ZHX2: variants seen among roughly 807,000 people sequenced by gnomAD.
ZHX2 encodes zinc fingers and homeoboxes 2.
In ZHX2, 6 loss-of-function variants were observed where a neutral mutation model predicts 21.9. That is an observed-to-expected ratio of 0.27 (90% CI 0.15 to 0.54). The LOEUF (loss-of-function observed/expected upper bound fraction) is 0.54. Among genes scored for constraint, ZHX2 ranks in the 20% least tolerant of loss-of-function variants. ZHX2 has a pLI of 0.95. For synonymous variants in ZHX2, 434 were observed against 437.1 expected (o/e 0.99, Z 0.09); for missense variants, 908 against 1,090.7 (o/e 0.83, Z 2.36).
chr8:122,827,653 C>A (rs1262529205), intron 1 of ZHX2, among the ~76,000 whole-genome samples: 1 of 152,064 alleles, frequency 6.6e-6, no homozygotes, highest in East Asian at 1.9e-4. Context: ...GAATCAGAAT[C>A]TTTAGGGGGT....
chr8:122,953,072 C>A lies in ZHX2; in HGVS notation c.1562C>A (p.Thr521Lys), dbSNP rs768038649. The A allele has an allele frequency of 2.5e-6, 4 of 1,614,018 alleles. No individual in the cohort carries two copies. In the South Asian group the frequency reaches 4.4e-5, roughly 18 times the overall value. ...ATCGCGGCCTCCCGACACGGTCGCA[C>A]GTATCATGCGTACCCAGACTTTGCC... ...LAIAASRHGR[T>K]YHAYPDFAPQ... The change falls in exon 3 of 4, where the codon ACG (threonine) becomes AAG (lysine). Residue 521 changes from threonine (T) to lysine (K), a missense_variant. Thr to Lys is a moderately conservative substitution (Grantham distance 78). Coordinates refer to ENST00000314393, the MANE Select transcript of ZHX2 (RefSeq NM_014943.5). The surrounding 1 kb of genome is among the most constrained non-coding windows in gnomAD (Gnocchi z 4.6).
intron 1 of ZHX2, among the ~76,000 whole-genome samples, chr8:122,850,182 A>G (rs1818853231): frequency 6.6e-6 from 1 of 151,918 alleles, no homozygotes; most frequent in Non-Finnish European, 1.5e-5. Flanking sequence ...TAGATCTCCA[A>G]CCCAACCACA....
chr8:122,800,907 C>T (rs992865763), intron 1 of ZHX2, among the ~76,000 whole-genome samples: 21 of 152,254 alleles, frequency 1.4e-4, no homozygotes, highest in African/African-American at 4.8e-4. Context: ...TAGACAGGTG[C>T]GCGTGCACAA....
intron 3 of ZHX2, among the ~76,000 whole-genome samples, chr8:122,968,279 T>A (rs1813632819): frequency 6.6e-6 from 1 of 152,068 alleles, no homozygotes; most frequent in African/African-American, 2.4e-5. Flanking sequence ...GCTTGAGGAA[T>A]ATATACCTGG....
At chr8:122,826,631 C>T (rs535635367) in intron 1 of ZHX2, among the ~76,000 whole-genome samples, 16 of 152,228 alleles carry the variant, frequency 1.1e-4, no homozygotes, top group Middle Eastern at 3.4e-3. Flanking sequence ...AGCTTAGGGG[C>T]GGTGCTAGGG....
At position 122,951,480 on chromosome 8, in the gene ZHX2, A is replaced by G. The variant is rs1586417017; in HGVS notation, c.-31A>G. 1 of 1,561,924 alleles carries G rather than the reference A, an allele frequency of 6.4e-7. No homozygotes were observed. Among genetic ancestry groups the G allele is most frequent in the East Asian group, 2.3e-5 (1 of 43,832 alleles). ...CACCGCCCCCTCCTTATCCCCCTCCAAAAATAAGCCATTGCACACAGACAG... is the reference window on the plus strand; with the variant it reads ...CACCGCCCCCTCCTTATCCCCCTCCGAAAATAAGCCATTGCACACAGACAG... On this transcript the variant is annotated 5_prime_UTR_variant, in exon 3 of 4. Transcript: ENST00000314393.
At chr8:122,787,088 G>GGTGTGTGTGT (rs35726514) in intron 1 of ZHX2, among the ~76,000 whole-genome samples, 7,839 of 148,484 alleles carry the variant, frequency 0.053, 542 homozygotes, top group African/African-American at 0.16. Context: ...GATTGGCAGT[G>GGTGTGTGTGT]GTGTGTGTGT....
At position 122,841,051 on chromosome 8, in the gene ZHX2, A is replaced by G. The variant is rs114657854; in HGVS notation, c.-282-22426A>G. Among the ~76,000 whole-genome samples, 394 of 152,306 alleles carry G rather than the reference A, an allele frequency of 2.6e-3. 4 individuals are homozygous for G. The highest frequency in any genetic ancestry group is 9.2e-3 in the African/African-American group (383 of 41,558). The stretch of plus-strand genomic sequence containing the variant: ...ATACATGAAAACTCTTGTTTCGAAC[A>G]CTGAGCATTGACTGTTTACCTGGCC... On this transcript the variant is annotated intron_variant, in intron 1 of 3. Coordinates refer to ENST00000314393, the MANE Select transcript of ZHX2 (RefSeq NM_014943.5).
chr8:122,944,445 AG>A (rs1812918325), intron 2 of ZHX2, among the ~76,000 whole-genome samples: 1 of 152,102 alleles, frequency 6.6e-6, no homozygotes, highest in Non-Finnish European at 1.5e-5. Context: ...TACAAAATTA[AG>A]TATAGCCTCC....
intron 1 of ZHX2, among the ~76,000 whole-genome samples, chr8:122,783,012 C>G (rs113977080): frequency 6.6e-6 from 1 of 152,134 alleles, no homozygotes; most frequent in Non-Finnish European, 1.5e-5. Context: ...CATCACAGGA[C>G]GGTCCCTTTG....
intron 1 of ZHX2, among the ~76,000 whole-genome samples, chr8:122,847,673 G>A (rs1443096356): frequency 6.6e-6 from 1 of 152,240 alleles, no homozygotes; most frequent in Non-Finnish European, 1.5e-5. Context: ...TGCTCATGAT[G>A]ACTGTCCCCT....
chr8:122,869,274 T>C (rs1819373437), intron 2 of ZHX2, among the ~76,000 whole-genome samples: 1 of 151,850 alleles, frequency 6.6e-6, no homozygotes, highest in African/African-American at 2.4e-5. Flanking sequence ...CACCCTCCCA[T>C]TCTCCGTAGT....
At chr8:122,915,964 C>T (rs1038821044) in intron 2 of ZHX2, among the ~76,000 whole-genome samples, 3 of 152,218 alleles carry the variant, frequency 2.0e-5, no homozygotes, top group African/African-American at 4.8e-5. Flanking sequence ...CTTCCTCCCC[C>T]TTCCTGCAGC....
chr8:122,809,401 G>C (rs969869947), intron 1 of ZHX2, among the ~76,000 whole-genome samples: 3 of 152,216 alleles, frequency 2.0e-5, no homozygotes, highest in African/African-American at 7.2e-5. Context: ...TGGGGAGGCT[G>C]AGGCAGGAGA....
chr8:122,799,438 A>G (rs117153661), intron 1 of ZHX2, among the ~76,000 whole-genome samples: 3,377 of 152,272 alleles, frequency 0.022, 61 homozygotes, highest in South Asian at 0.069. Context: ...AATTTCATCC[A>G]AAGTTCTCTG....
intron 2 of ZHX2, among the ~76,000 whole-genome samples, chr8:122,888,268 A>T (rs1054988237): frequency 5.3e-5 from 8 of 150,970 alleles, no homozygotes; most frequent in Non-Finnish European, 4.4e-5. Context: ...TTCTTTTTTT[A>T]AAATTATTTT....
intron 2 of ZHX2, among the ~76,000 whole-genome samples, chr8:122,904,646 C>CT (rs1820306203): frequency 6.6e-6 from 1 of 152,154 alleles, no homozygotes; most frequent in Non-Finnish European, 1.5e-5. Context: ...TGGACCCCTA[C>CT]TTAGTAATAA....
chr8:122,956,050 G>T (rs886130278), intron 3 of ZHX2, among the ~76,000 whole-genome samples: 1 of 151,928 alleles, frequency 6.6e-6, no homozygotes, highest in Admixed American at 6.6e-5. Flanking sequence ...TTGCCGTGTT[G>T]GCCAGGCTGA....
chr8:122,933,024 C>T (rs1428305564), intron 2 of ZHX2, among the ~76,000 whole-genome samples: 2 of 152,100 alleles, frequency 1.3e-5, no homozygotes. Flanking sequence ...AAAGGGAAGT[C>T]TCTTCGAGGT....
Sources: gnomAD v4.1 joint callset for allele counts (sites outside exome capture counted in the v4.1 genomes callset) on GRCh38, gnomAD v4.1.1 for gene constraint, Gnocchi (gnomAD v3.1) non-coding constraint, MANE v1.5 for transcripts, NCBI Gene and HGNC (gene_info 2026-07-23, HGNC 2026-07-21) for gene names.